The following DSE variants were observed in gnomAD, a reference collection of about 807,000 sequenced individuals.
DSE encodes dermatan sulfate epimerase, also known as dermatan-sulfate epimerase.
DSE carries 36 observed loss-of-function variants against 84.4 expected under a neutral mutation model. That is an observed-to-expected ratio of 0.43 (90% CI 0.33 to 0.56). The LOEUF is 0.56. Ranked by LOEUF, DSE falls within the 20% of genes least tolerant of loss-of-function variation. DSE has a pLI of 0.06. For synonymous variants in DSE, 410 were observed against 430.1 expected (o/e 0.95, Z 0.58); for missense variants, 862 against 1,169.6 (o/e 0.74, Z 3.84).
intron 2 of DSE, among the ~76,000 whole-genome samples, chr6:116,337,296 A>G (rs1455725076): frequency 6.6e-6 from 1 of 152,178 alleles, no homozygotes; most frequent in Non-Finnish European, 1.5e-5. Context: ...AACTTTTACT[A>G]CAGTATCATT....
At chr6:116,317,212 C>G (rs78128956) in intron 2 of DSE, among the ~76,000 whole-genome samples, 1 of 152,180 alleles carries the variant, frequency 6.6e-6, no homozygotes, top group African/African-American at 2.4e-5. Context: ...GGGATTGGGC[C>G]TGCCTTTGTA....
Position 116,436,302 on chromosome 6 carries a change from G to A in DSE, c.1834G>A (p.Gly612Ser), listed in dbSNP as rs745854227. 3.1e-6 allele frequency: 5 copies of A among 1,613,998 alleles called. No homozygotes were observed. Among genetic ancestry groups the A allele is most frequent in the African/African-American group, 1.3e-5 (1 of 74,904 alleles). Residue 612 changes from glycine to serine, a missense_variant, in exon 6 of 6, where the codon GGT (glycine) becomes AGT (serine). By Grantham distance (56) the Gly-to-Ser change is moderately conservative (BLOSUM62 0). Transcript: ENST00000644252. ...VHGAFIRQRDGLYKMYWMDDT... is the reference protein window; with the variant it reads ...VHGAFIRQRDSLYKMYWMDDT... The stretch of plus-strand genomic sequence containing the variant: ...TGGGGCTTTCATCAGGCAGAGAGAT[G>A]GTCTCTATAAAATGTACTGGATGGA...
At chr6:116,265,838 C>T (rs963185819) in intron 2 of DSE, among the ~76,000 whole-genome samples, 1 of 152,208 alleles carries the variant, frequency 6.6e-6, no homozygotes, top group South Asian at 2.1e-4. Context: ...CTAGAGGGGA[C>T]AGCCTTCCCT....
At chr6:116,325,708 C>T (rs910454630) in intron 2 of DSE, among the ~76,000 whole-genome samples, 2 of 152,196 alleles carry the variant, frequency 1.3e-5, no homozygotes, top group Non-Finnish European at 2.9e-5. Context: ...AGTTTGCTAT[C>T]TGACTTATAG....
chr6:116,409,304 T>C (rs549458635), intron 2 of DSE, among the ~76,000 whole-genome samples: 4 of 152,252 alleles, frequency 2.6e-5, no homozygotes, highest in East Asian at 3.9e-4. Context: ...GGAGACAGAG[T>C]CTCGCTCTGT....
chr6:116,343,848 G>T lies in DSE; in HGVS notation c.-53-55350G>T, dbSNP rs553383183. On this transcript the variant is annotated intron_variant, in intron 2 of 3. Transcript: ENST00000430252. ...AATAACAAACTTCTCTGAGCTAAAGGAGGGTGTTTGAACCCATCACAAAGA... is the reference window on the plus strand; with the variant it reads ...AATAACAAACTTCTCTGAGCTAAAGTAGGGTGTTTGAACCCATCACAAAGA... Among the ~76,000 whole-genome samples the T allele has an allele frequency of 5.9e-5, 9 of 152,292 alleles. No homozygotes were observed. In the East Asian group the frequency reaches 1.4e-3, roughly 23 times the overall value.
chr6:116,430,920 T>G, intron 3 of DSE, 34 bp from the exon 4 acceptor site: 1 of 1,608,112 alleles, frequency 6.2e-7, no homozygotes, highest in Non-Finnish European at 8.5e-7. Context: ...GTCACAGGCT[T>G]TAGTCATTGC....
At chr6:116,411,035 G>A (rs1782318138) in intron 2 of DSE, among the ~76,000 whole-genome samples, 1 of 152,040 alleles carries the variant, frequency 6.6e-6, no homozygotes, top group Non-Finnish European at 1.5e-5. Context: ...GTTTGGATTT[G>A]GATATACAGA....
chr6:116,309,956 A>G (rs1775582855), intron 2 of DSE, among the ~76,000 whole-genome samples: 1 of 152,220 alleles, frequency 6.6e-6, no homozygotes, highest in African/African-American at 2.4e-5. Context: ...GGAAAGAAAA[A>G]AAAAAGAAGC....
At chr6:116,429,224 A>G (rs150442385) in intron 3 of DSE, among the ~76,000 whole-genome samples, 140 of 152,304 alleles carry the variant, frequency 9.2e-4, no homozygotes, top group African/African-American at 2.9e-3. Context: ...AGGCCAGGGT[A>G]TGATGATCAG....
At chr6:116,430,573 G>T (rs1378903713) in intron 3 of DSE, among the ~76,000 whole-genome samples, 1 of 151,092 alleles carries the variant, frequency 6.6e-6, no homozygotes, top group Non-Finnish European at 1.5e-5. Context: ...ACGGAGTCTC[G>T]CTTTGTCGCC....
At chr6:116,416,349 C>CTGTGTG (rs59237926) in intron 2 of DSE, among the ~76,000 whole-genome samples, 6,054 of 133,940 alleles carry the variant, frequency 0.045, 186 homozygotes, top group Admixed American at 0.096. Context: ...CTAATTGCCA[C>CTGTGTG]TGTGTGTGTG....
At chr6:116,397,658 T>C (rs1781349770) in intron 1 of DSE, among the ~76,000 whole-genome samples, 1 of 152,216 alleles carries the variant, frequency 6.6e-6, no homozygotes, top group Non-Finnish European at 1.5e-5. Context: ...TCTCTGACCT[T>C]GAAGGATCCA....
intron 2 of DSE, among the ~76,000 whole-genome samples, chr6:116,282,550 CTCTT>C: frequency 6.6e-6 from 1 of 152,298 alleles, no homozygotes; most frequent in Middle Eastern, 3.4e-3. Flanking sequence ...AACGTTGAGA[CTCTT>C]TAAAGGAACT....
Position 116,437,413 on chromosome 6 carries a change from T to C in DSE, c.*68T>C. On this transcript the variant is annotated 3_prime_UTR_variant, in exon 6 of 6. Coordinates refer to ENST00000644252, the MANE Select transcript of DSE (RefSeq NM_013352.4). ...GTCTATGCAAAAAAAAAAATTTCTT[T>C]ACCCCAGATTATCAGATTTTTTTCC... The C allele has an allele frequency of 7.3e-7, 1 of 1,362,538 alleles. No homozygotes were observed. The highest frequency in any genetic ancestry group is 9.7e-7 in the Non-Finnish European group (1 of 1,027,358). The allele number at this position is 1,362,538 out of a possible 1,614,324, so 84.4% of individuals were successfully genotyped here.
chr6:116,264,794 G>A (rs933006736), intron 2 of DSE, among the ~76,000 whole-genome samples: 3 of 152,150 alleles, frequency 2.0e-5, no homozygotes, highest in African/African-American at 7.2e-5. Context: ...TGTGGTGTAA[G>A]GTGGACTCAG....
At chr6:116,284,350 A>G (rs1350875767) in intron 2 of DSE, among the ~76,000 whole-genome samples, 2 of 152,176 alleles carry the variant, frequency 1.3e-5, no homozygotes, top group African/African-American at 4.8e-5. Context: ...CCATGAGGTA[A>G]TTGCATTTAT....
intron 2 of DSE, among the ~76,000 whole-genome samples, chr6:116,334,406 A>G (rs751036725): frequency 3.9e-5 from 6 of 152,170 alleles, no homozygotes; most frequent in African/African-American, 7.2e-5. Flanking sequence ...AATTCACGCA[A>G]AGCCCACATT....
intron 2 of DSE, among the ~76,000 whole-genome samples, chr6:116,410,504 C>G (rs1782252747): frequency 6.6e-6 from 1 of 152,090 alleles, no homozygotes; most frequent in Non-Finnish European, 1.5e-5. Context: ...TAGGCAGAGG[C>G]AGGCGGATCA....
Sources: gnomAD v4.1 joint callset for allele counts (sites outside exome capture counted in the v4.1 genomes callset) on GRCh38, gnomAD v4.1.1 for gene constraint, MANE v1.5 for transcripts, NCBI Gene and HGNC (gene_info 2026-07-23, HGNC 2026-07-21) for gene names.